Variants in INSL6 observed in about 807,000 individuals in gnomAD.
INSL6 encodes insulin like 6.
Under a neutral mutation model 9.4 loss-of-function variants are expected in INSL6, and 16 were observed. That is an observed-to-expected ratio of 1.70 (90% CI 1.15 to 2.59). The LOEUF (loss-of-function observed/expected upper bound fraction) is 2.59, where lower values mean the gene tolerates loss of function less well. Among genes scored for constraint, INSL6 ranks in the 30% most tolerant of loss-of-function variants. The pLI is 0.00. For missense variants in INSL6, 391 were observed against 257.3 expected (o/e 1.52, Z -3.56); for synonymous variants, 154 against 96.9 (o/e 1.59, Z -3.46).
intron 1 of INSL6, among the ~76,000 whole-genome samples, chr9:5,182,622 T>C (rs993822884): frequency 6.6e-6 from 1 of 152,056 alleles, no homozygotes; most frequent in Admixed American, 6.6e-5. Context: ...TACAGACTAG[T>C]TGTGATGATA....
At chr9:5,028,216 A>G in the INSL6 span, among the ~76,000 whole-genome samples, 5 of 152,360 alleles carry the variant, frequency 3.3e-5, no homozygotes, top group African/African-American at 1.2e-4. Flanking sequence ...AGGCATGAAA[A>G]CAACATGAAA....
chr9:5,106,200 T>A, the INSL6 span, among the ~76,000 whole-genome samples: 1 of 151,424 alleles, frequency 6.6e-6, no homozygotes, highest in Non-Finnish European at 1.5e-5. Flanking sequence ...CAAAGAAATT[T>A]ACAAGAAAAA....
intron 3 of INSL6, among the ~76,000 whole-genome samples, chr9:5,129,295 A>G (rs768389210): frequency 2.6e-5 from 4 of 151,854 alleles, no homozygotes; most frequent in Non-Finnish European, 5.9e-5. Context: ...TTCAGAAGCG[A>G]TTTTCTTTTG....
chr9:5,140,441 G>A (rs1824474441), intron 2 of INSL6, among the ~76,000 whole-genome samples: 1 of 151,956 alleles, frequency 6.6e-6, no homozygotes, highest in Non-Finnish European at 1.5e-5. Context: ...CTCTTTCAAT[G>A]CTTCATCAGT....
chr9:5,004,918 C>CT, the INSL6 span, among the ~76,000 whole-genome samples: 1,931 of 131,324 alleles, frequency 0.015, 52 homozygotes, highest in African/African-American at 0.047. Context: ...TACATATTGT[C>CT]TTTTTTTTTT....
At position 5,150,427 on chromosome 9, in the gene INSL6, T is replaced by A. The variant is rs10974984; in HGVS notation, c.376+13752A>T. On this transcript the variant is annotated intron_variant, in intron 2 of 3. Transcript: ENST00000649639. ...AAACAAATAATCCCATTAAAAATTG[T>A]GCAAAGGACATGAACATTTTTAATG... Among the ~76,000 whole-genome samples, 415 of 152,028 alleles carry A rather than the reference T, an allele frequency of 2.7e-3. 4 individuals carry two copies. The highest frequency in any genetic ancestry group is 9.5e-3 in the African/African-American group (394 of 41,496).
At chr9:5,123,390 A>T (rs1003426554), downstream of INSL6, among the ~76,000 whole-genome samples, 7 of 152,012 alleles carry the variant, frequency 4.6e-5, no homozygotes, top group African/African-American at 1.7e-4. Context: ...GCTCCCGCTT[A>T]TAAGTGAAAA....
At chr9:5,111,773 G>C in the INSL6 span, 1 of 422,350 alleles carries the variant, frequency 2.4e-6, no homozygotes, top group Non-Finnish European at 4.7e-6. Flanking sequence ...TGGGCTTCCG[G>C]CTGCATCCAC....
chr9:5,164,271 G>T lies in INSL6; in HGVS notation c.290-6C>A. On this transcript the variant is annotated splice_region_variant and splice_polypyrimidine_tract_variant and intron_variant, in intron 1 of 1. Coordinates refer to ENST00000381641, the MANE Select transcript of INSL6 (RefSeq NM_007179.3). Reference sequence around the variant, plus strand: ...TTCTTCCCAAGAAGTAGACACTGTTGAGAGAGAAGAAAATAAATGCTCCTT... The same window carrying T: ...TTCTTCCCAAGAAGTAGACACTGTTTAGAGAGAAGAAAATAAATGCTCCTT... 1 of 1,558,360 alleles carries T rather than the reference G, an allele frequency of 6.4e-7. No individual in the cohort carries two copies. Among genetic ancestry groups the T allele is most frequent in the South Asian group, 1.1e-5 (1 of 86,966 alleles).
the INSL6 span, chr9:5,021,908 C>G: frequency 2.9e-6 from 3 of 1,023,442 alleles, no homozygotes; most frequent in Non-Finnish European, 4.4e-6. Flanking sequence ...GCTAGGATTA[C>G]AGGTGTGAGA....
At chr9:5,175,074 G>A (rs62541957) in intron 1 of INSL6, among the ~76,000 whole-genome samples, 32,659 of 151,746 alleles carry the variant, frequency 0.22, 4,386 homozygotes, top group South Asian at 0.3. Context: ...CGAGTAGCTG[G>A]GACTACAGGT....
the INSL6 span, among the ~76,000 whole-genome samples, chr9:4,994,353 A>G: frequency 4.6e-5 from 7 of 152,310 alleles, no homozygotes; most frequent in East Asian, 1.2e-3. Flanking sequence ...TCTTATCAGA[A>G]TTACCTAAAG....
chr9:5,050,714 T>C, the INSL6 span: 1 of 1,613,846 alleles, frequency 6.2e-7, no homozygotes, highest in Non-Finnish European at 8.5e-7. Context: ...CACGGATGGA[T>C]AAAAGTACCT....
chr9:5,074,088 T>G, the INSL6 span, among the ~76,000 whole-genome samples: 66 of 152,244 alleles, frequency 4.3e-4, 1 homozygote, highest in East Asian at 0.012. Context: ...CAACATAACA[T>G]TGGAATAACT....
At chr9:5,037,660 GA>G in the INSL6 span, among the ~76,000 whole-genome samples, 1 of 152,114 alleles carries the variant, frequency 6.6e-6, no homozygotes, top group Non-Finnish European at 1.5e-5. Context: ...TGAACAATGA[GA>G]ACACATGGAC....
At chr9:4,994,719 A>G in the INSL6 span, among the ~76,000 whole-genome samples, 1 of 152,164 alleles carries the variant, frequency 6.6e-6, no homozygotes, top group Non-Finnish European at 1.5e-5. Flanking sequence ...TAAATTTGGT[A>G]TGTGTGAACT....
At chr9:5,054,742 T>C in the INSL6 span, 2 of 1,613,358 alleles carry the variant, frequency 1.2e-6, no homozygotes, top group Non-Finnish European at 1.7e-6. The surrounding 1 kb of genome is among the most constrained non-coding windows in gnomAD (Gnocchi z 4.9). Context: ...CAGTCTGCCT[T>C]CTACACAGAG....
intron 1 of INSL6, among the ~76,000 whole-genome samples, chr9:5,181,415 T>C (rs1825449082): frequency 6.6e-6 from 1 of 151,958 alleles, no homozygotes; most frequent in Non-Finnish European, 1.5e-5. Context: ...AATAATTGAT[T>C]AGTAGAAAGT....
the INSL6 span, chr9:5,081,585 A>G: frequency 0.23 from 135,666 of 599,198 alleles, 16,482 homozygotes; most frequent in African/African-American, 0.36. Context: ...TCCCATTAAT[A>G]TAATTGAAAC....
Sources: gnomAD v4.1 joint callset for allele counts (sites outside exome capture counted in the v4.1 genomes callset) on GRCh38, gnomAD v4.1.1 for gene constraint, Gnocchi (gnomAD v3.1) non-coding constraint, MANE v1.5 for transcripts, NCBI Gene and HGNC (gene_info 2026-07-23, HGNC 2026-07-21) for gene names.